The following PLCH2 variants were observed in gnomAD, a reference collection of about 807,000 sequenced individuals.
The protein encoded by PLCH2 is phospholipase C eta 2.
In PLCH2, 98 loss-of-function variants were observed where a neutral mutation model predicts 134.7. The ratio of observed to expected loss-of-function variants is 0.73; its 90% confidence interval spans 0.62 to 0.86. PLCH2 has a LOEUF of 0.86. Ranked by LOEUF, PLCH2 falls within the 40% of genes least tolerant of loss-of-function variation. PLCH2 has a pLI of 0.00. For synonymous variants in PLCH2, 974 were observed against 827.5 expected (o/e 1.18, Z -3.04); for missense variants, 1,994 against 1,986.6 (o/e 1.00, Z -0.07).
chr1:2,444,726 C>G lies in PLCH2; in HGVS notation c.115+14097C>G, dbSNP rs1639860480. Among the ~76,000 whole-genome samples, 1 of 152,154 alleles carries G rather than the reference C, an allele frequency of 6.6e-6. No homozygotes were observed. On this transcript the variant is annotated intron_variant, in intron 2 of 3. Coordinates refer to the PLCH2 transcript ENST00000609981. The surrounding 1 kb of genome is among the most constrained non-coding windows in gnomAD (Gnocchi z 4.6). Reference sequence around the variant, plus strand: ...ACACTGGAGGCAGCCAAGGTGGCCACTGATCCCCACTGTGACCACTGAGAC... The same window carrying G: ...ACACTGGAGGCAGCCAAGGTGGCCAGTGATCCCCACTGTGACCACTGAGAC...
upstream of PLCH2, among the ~76,000 whole-genome samples, chr1:2,424,254 G>A (rs1638661050): frequency 6.6e-6 from 1 of 151,976 alleles, no homozygotes; most frequent in South Asian, 2.1e-4. Context: ...TGAAATGCAC[G>A]AAACTCTATT....
At chr1:2,465,378 C>T (rs2100600897), upstream of PLCH2, among the ~76,000 whole-genome samples, 3 of 152,342 alleles carry the variant, frequency 2.0e-5, no homozygotes, top group South Asian at 6.2e-4. Flanking sequence ...CTGCCCTCCA[C>T]CCTCCGGCCA....
chr1:2,478,243 C>A (rs1416078619), intron 1 of PLCH2, among the ~76,000 whole-genome samples: 1 of 152,178 alleles, frequency 6.6e-6, no homozygotes, highest in East Asian at 1.9e-4. Context: ...CCCAGCTGAG[C>A]TGTGTGACCC....
chr1:2,502,940 C>T (rs770286855), intron 21 of PLCH2: 18 of 717,108 alleles, frequency 2.5e-5, no homozygotes, highest in Non-Finnish European at 4.7e-5. Context: ...CGTGGTCCTC[C>T]CGCACGCCCC....
rs1557969900 is a variant in PLCH2, at chr1:2,459,518, T to TTGCCGGTGG, written c.116-18957_116-18956insGCCGGTGGT. On this transcript the variant is annotated intron_variant, in intron 2 of 3. Transcript: ENST00000609981. ...TGGTCCTCCTTCCTGGTGGTCCTCC[T>TTGCCGGTGG]TCCTGGTGGTCCTCCTTCCTGGTGG... Among the ~76,000 whole-genome samples the TTGCCGGTGG allele has an allele frequency of 1.1e-3, 145 of 127,458 alleles. 32 individuals carry two copies. The highest frequency in any genetic ancestry group is 6.8e-3 in the East Asian group (29 of 4,276). The allele number at this position is 127,458 out of a possible 152,430, so 83.6% of individuals were successfully genotyped here.
chr1:2,460,891 C>A (rs185985338), intron 2 of PLCH2, among the ~76,000 whole-genome samples: 251 of 152,354 alleles, frequency 1.6e-3, no homozygotes, highest in African/African-American at 5.4e-3. Context: ...ACCTGCAGGG[C>A]AACAGCTGCG....
At chr1:2,476,031 C>A (rs573097133), upstream of PLCH2, among the ~76,000 whole-genome samples, 1 of 152,346 alleles carries the variant, frequency 6.6e-6, no homozygotes, top group Admixed American at 6.5e-5. Flanking sequence ...AGGCCCACCC[C>A]ACACAGGGTC....
At chr1:2,486,858 C>G (rs531859734) in intron 5 of PLCH2, 49 bp from the exon 6 acceptor site, 309 of 1,461,404 alleles carry the variant, frequency 2.1e-4, no homozygotes, top group Non-Finnish European at 2.7e-4. Flanking sequence ...CTGAGGCTAT[C>G]CCAGGCCAGG....
intron 2 of PLCH2, among the ~76,000 whole-genome samples, chr1:2,452,063 G>C (rs1640261095): frequency 6.6e-6 from 1 of 152,212 alleles, no homozygotes; most frequent in South Asian, 2.1e-4. Context: ...GGCAGTGCAC[G>C]GGAAGGCGCC....
At position 2,478,374 on chromosome 1, in the gene PLCH2, T is replaced by C. The variant is rs1641754320; in HGVS notation, c.125-102T>C. The C allele has an allele frequency of 1.8e-5, 25 of 1,418,600 alleles. No homozygotes were observed. In the South Asian group the frequency reaches 3.0e-4, roughly 17 times the overall value. The allele number at this position is 1,418,600 out of a possible 1,614,324, so 87.9% of individuals were successfully genotyped here. Reference sequence around the variant, plus strand: ...GTGGCCGTGCCTCCGCTGACGGCCGTGTTTCTCCCGTGAGGAGTGGCCGTG... The same window carrying C: ...GTGGCCGTGCCTCCGCTGACGGCCGCGTTTCTCCCGTGAGGAGTGGCCGTG... On this transcript the variant is annotated intron_variant, in intron 1 of 21. Transcript: ENST00000378486.
Position 2,504,012 on chromosome 1 carries a change from C to T in PLCH2, c.3050C>T (p.Pro1017Leu), listed in dbSNP as rs200322093. Reference sequence around the variant, plus strand: ...GAGCCCGCCCCAGGCCCTGGTCCCCCGCCACCAGCGGCTGTCCCCACCAGC... The same window carrying T: ...GAGCCCGCCCCAGGCCCTGGTCCCCTGCCACCAGCGGCTGTCCCCACCAGC... ...AEEPAPGPGP[P>L]PPAAVPTSSS... Residue 1017 changes from proline to leucine, a missense_variant, in exon 22 of 22, where the codon CCG becomes CTG. Transcript: ENST00000378486. 3.5e-3 allele frequency: 5,343 copies of T among 1,527,780 alleles called. 18 individuals carry two copies. Among genetic ancestry groups the T allele is most frequent in the East Asian group, 0.012 (506 of 40,772 alleles). The allele number at this position is 1,527,780 out of a possible 1,614,324, so 94.6% of individuals were successfully genotyped here. A position where few individuals can be genotyped will look rare whatever the true frequency, so the allele number is the denominator to read the frequency against.
rs559436453 is a variant in PLCH2 at position 2,484,571 on chromosome 1, C to A, written c.769C>A (p.His257Asn). The A allele has an allele frequency of 7.6e-5, 122 of 1,613,020 alleles. 5 individuals are homozygous for A. The South Asian group carries it at 1.3e-3, about 17-fold the overall frequency. The change falls in exon 5 of 22, where the codon CAC (histidine) becomes AAC (asparagine). Residue 257 changes from histidine to asparagine, a missense_variant. His to Asn is a moderately conservative substitution (Grantham distance 68). Around this residue, in one of 2 missense-constraint regions of PLCH2, gnomAD observed 1,094 missense variants for 1,234.3 expected, o/e 0.89. Coordinates refer to ENST00000378486, the MANE Select transcript of PLCH2 (RefSeq NM_014638.4). ...LMLTYSNHKD[H>N]LDAASLQRFL... ...GCTGACCTACAGCAACCACAAGGAC[C>A]ACCTGGATGCCGCCAGCCTGCAGCG...
Position 2,505,194 on chromosome 1 carries a change from T to C in PLCH2, c.4232T>C (p.Leu1411Pro), listed in dbSNP as rs772308157. ...CCAGCATCCGCGGCTGCTGAAAACC[T>C]GGTCCTGCTCCGCCTCTGACCGTCA... ...LGPASAAAEN[L>P]VLLRL The change falls in exon 22 of 22, where the codon CTG (leucine) becomes CCG (proline). Residue 1411 changes from leucine (L) to proline (P), a missense_variant. Leu to Pro is a moderately conservative substitution (Grantham distance 98). Around this residue, in one of 2 missense-constraint regions of PLCH2, gnomAD observed 900 missense variants for 752.3 expected, o/e 1.20. Coordinates refer to ENST00000378486, the MANE Select transcript of PLCH2 (RefSeq NM_014638.4). The C allele has an allele frequency of 1.7e-4, 270 of 1,571,924 alleles. 3 individuals carry two copies. The highest frequency in any genetic ancestry group is 2.5e-5 in the Non-Finnish European group (29 of 1,168,902).
chr1:2,465,185 C>T (rs766791624), upstream of PLCH2, among the ~76,000 whole-genome samples: 11 of 152,184 alleles, frequency 7.2e-5, no homozygotes, highest in Non-Finnish European at 1.3e-4. Context: ...TGGTCTCCTC[C>T]GGCCTCTGTC....
chr1:2,499,432 C>G (rs112080027), intron 19 of PLCH2, among the ~76,000 whole-genome samples: 1,816 of 151,778 alleles, frequency 0.012, 14 homozygotes, highest in African/African-American at 0.024. Context: ...GGGCCACCCC[C>G]AGGAAGAGGT....
intron 1 of PLCH2, 107 bp from the exon 2 acceptor site, chr1:2,478,369 G>T: frequency 7.2e-7 from 1 of 1,382,542 alleles, no homozygotes; most frequent in Non-Finnish European, 1.0e-6. Context: ...CTCCGCTGAC[G>T]GCCGTGTTTC....
upstream of PLCH2, among the ~76,000 whole-genome samples, chr1:2,465,834 G>A (rs565160778): frequency 6.6e-6 from 1 of 152,282 alleles, no homozygotes; most frequent in East Asian, 1.9e-4. Context: ...GCCTCTGGAA[G>A]GGGGCTCAGG....
chr1:2,418,576 C>G, the PLCH2 span, among the ~76,000 whole-genome samples: 1 of 152,250 alleles, frequency 6.6e-6, no homozygotes, highest in Non-Finnish European at 1.5e-5. Flanking sequence ...TTCAGGAGTT[C>G]TGAACCTGGC....
Position 2,505,023 on chromosome 1 carries a change from G to T in PLCH2, c.4061G>T (p.Arg1354Leu). 1 of 1,543,710 alleles carries T rather than the reference G, an allele frequency of 6.5e-7. No individual in the cohort carries two copies. Among genetic ancestry groups the T allele is most frequent in the Non-Finnish European group, 8.7e-7 (1 of 1,151,242 alleles). Residue 1354 changes from arginine to leucine, a missense_variant, in exon 22 of 22, where the codon CGC (arginine) becomes CTC (leucine). Physicochemically the swap from Arg to Leu is moderately radical, Grantham distance 102 (BLOSUM62 -2). Transcript: ENST00000378486. Reference sequence around the variant, plus strand: ...GTGCGTGCCATTGCCAGCCGGGCCCGCCAGGCCCAGGAGCGGCAGCAGAGA... The same window carrying T: ...GTGCGTGCCATTGCCAGCCGGGCCCTCCAGGCCCAGGAGCGGCAGCAGAGA... The part of the protein sequence containing the change: ...SRVRAIASRA[R>L]QAQERQQRLQ...
Sources: allele counts gnomAD v4.1 joint callset (sites outside exome capture counted in the v4.1 genomes callset), GRCh38; gene constraint gnomAD v4.1.1; regional missense constraint gnomAD v4.1.1; non-coding constraint Gnocchi (gnomAD v3.1); transcripts MANE v1.5; gene names NCBI Gene and HGNC (gene_info 2026-07-23, HGNC 2026-07-21).